The following GPC5 variants were observed in gnomAD, a reference collection of about 807,000 sequenced individuals.
GPC5 encodes the protein glypican 5, also known as glypican-5.
GPC5 carries 47 observed loss-of-function variants against 53.9 expected under a neutral mutation model. That is an observed-to-expected ratio of 0.87 (90% confidence interval 0.69 to 1.11). The LOEUF is 1.11. Among genes scored for constraint, GPC5 ranks in the 50% most tolerant of loss-of-function variants. The probability of loss-of-function intolerance (pLI) is 0.00; values close to 1 mark genes in which losing one functional copy is unlikely to be tolerated. For synonymous variants in GPC5, 286 were observed against 263.3 expected, an observed-to-expected ratio of 1.09 and a Z score of -0.84; for missense variants, 748 against 713.1, an observed-to-expected ratio of 1.05 and a Z score of -0.56.
At chr13:92,483,815 G>A (rs112895967) in intron 7 of GPC5, among the ~76,000 whole-genome samples, 1 of 149,624 alleles carries the variant, frequency 6.7e-6, no homozygotes, top group African/African-American at 2.5e-5. Flanking sequence ...TTTATTAAAA[G>A]CGAAGACACA....
intron 7 of GPC5, among the ~76,000 whole-genome samples, chr13:92,729,222 T>C (rs1644179531): frequency 1.3e-5 from 2 of 151,476 alleles, no homozygotes; most frequent in South Asian, 4.1e-4. Context: ...TTCCCTAAGA[T>C]GATGTAAGGG....
chr13:92,674,309 T>C (rs1252486602), intron 7 of GPC5, among the ~76,000 whole-genome samples: 2 of 152,152 alleles, frequency 1.3e-5, no homozygotes, highest in Non-Finnish European at 2.9e-5. Flanking sequence ...ATACTTTGAA[T>C]TTTTCCCTGG....
intron 6 of GPC5, among the ~76,000 whole-genome samples, chr13:91,976,168 G>A (rs1314363194): frequency 6.6e-6 from 1 of 152,152 alleles, no homozygotes; most frequent in Non-Finnish European, 1.5e-5. Flanking sequence ...TATACCTAAT[G>A]TTAAATGACG....
chr13:92,813,512 A>G (rs1327716137), intron 7 of GPC5, among the ~76,000 whole-genome samples: 3 of 152,028 alleles, frequency 2.0e-5, no homozygotes, highest in African/African-American at 7.3e-5. Flanking sequence ...AACTAATTTT[A>G]TGCAAATACA....
chr13:92,387,024 C>T (rs1874758518), intron 7 of GPC5, among the ~76,000 whole-genome samples: 1 of 152,068 alleles, frequency 6.6e-6, no homozygotes, highest in Admixed American at 6.6e-5. Context: ...AGAATTAGAA[C>T]TCACACTCAT....
At chr13:92,533,252 T>G (rs577067523) in intron 7 of GPC5, among the ~76,000 whole-genome samples, 3 of 152,274 alleles carry the variant, frequency 2.0e-5, no homozygotes, top group Non-Finnish European at 2.9e-5. Context: ...TCCACTTTTA[T>G]TTTACTTCAC....
intron 7 of GPC5, among the ~76,000 whole-genome samples, chr13:92,175,016 A>C: frequency 6.6e-6 from 1 of 151,946 alleles, no homozygotes; most frequent in African/African-American, 2.4e-5. Context: ...CGTCCTGCTA[A>C]ATTTTTTTGT....
At chr13:91,787,503 G>A (rs1395730029) in intron 5 of GPC5, among the ~76,000 whole-genome samples, 1 of 152,042 alleles carries the variant, frequency 6.6e-6, no homozygotes, top group African/African-American at 2.4e-5. Flanking sequence ...TGCATTCCTA[G>A]GATAAACACC....
chr13:91,877,548 T>C (rs2039217551), intron 5 of GPC5, among the ~76,000 whole-genome samples: 1 of 152,156 alleles, frequency 6.6e-6, no homozygotes, highest in African/African-American at 2.4e-5. Flanking sequence ...GGCCAATTTC[T>C]CCCATTTGGA....
At chr13:91,712,097 G>C (rs145278025) in intron 3 of GPC5, among the ~76,000 whole-genome samples, 7 of 152,204 alleles carry the variant, frequency 4.6e-5, no homozygotes, top group East Asian at 1.9e-4. Context: ...TCCTAAAAGT[G>C]GTTTATTTCC....
At chr13:92,500,290 G>A (rs540362435) in intron 7 of GPC5, among the ~76,000 whole-genome samples, 2 of 152,118 alleles carry the variant, frequency 1.3e-5, no homozygotes, top group Non-Finnish European at 2.9e-5. Context: ...ACCACTTACA[G>A]ACTCCCGGGA....
At chr13:91,725,272 C>G (rs996213740) in intron 3 of GPC5, 1 of 152,134 alleles carries the variant, frequency 6.6e-6, no homozygotes, top group Admixed American at 6.5e-5. Context: ...ACATTTCAGA[C>G]TGATTGCAGG....
chr13:92,219,392 CCT>C (rs1424480169), intron 7 of GPC5, among the ~76,000 whole-genome samples: 2 of 152,150 alleles, frequency 1.3e-5, no homozygotes, highest in African/African-American at 2.4e-5. Flanking sequence ...ATACATATTG[CCT>C]CTCTCCACAT....
intron 5 of GPC5, among the ~76,000 whole-genome samples, chr13:91,866,232 A>G (rs1187327674): frequency 6.6e-6 from 1 of 152,214 alleles, no homozygotes; most frequent in Non-Finnish European, 1.5e-5. Flanking sequence ...AATGTCTCAA[A>G]TAATAATTTG....
At chr13:92,341,630 T>G (rs939718412) in intron 7 of GPC5, among the ~76,000 whole-genome samples, 4 of 152,010 alleles carry the variant, frequency 2.6e-5, no homozygotes, top group African/African-American at 9.7e-5. Flanking sequence ...AAATAAAATT[T>G]TATTAATTAA....
chr13:91,517,463 A>C (rs1428304140), intron 2 of GPC5, among the ~76,000 whole-genome samples: 2 of 152,174 alleles, frequency 1.3e-5, no homozygotes, highest in Non-Finnish European at 1.5e-5. Flanking sequence ...TCCATCTGAG[A>C]CCATCTCAGC....
chr13:92,197,332 T>C (rs1367338441), intron 7 of GPC5, among the ~76,000 whole-genome samples: 1 of 152,208 alleles, frequency 6.6e-6, no homozygotes, highest in African/African-American at 2.4e-5. Flanking sequence ...TCTACATCCG[T>C]CTATATCTAT....
chr13:91,689,911 C>A (rs1220839263), intron 2 of GPC5, among the ~76,000 whole-genome samples: 3 of 152,092 alleles, frequency 2.0e-5, no homozygotes, highest in African/African-American at 7.2e-5. Flanking sequence ...ATGGTAAACA[C>A]CCAGTAACAA....
rs546403948 is a variant in GPC5, at chr13:91,451,759, A to G, written c.325+2837A>G. ...CAGCCTCCCGAGCAGCTGGGATTAC[A>G]GATGTGTGCCACCATGCCCAGCTAA... On this transcript the variant is annotated intron_variant, in intron 2 of 7. Transcript: ENST00000377067. 5.3e-5 allele frequency among the ~76,000 whole-genome samples: 8 copies of G among 152,096 alleles called. 1 individual carries two copies. The highest frequency in any genetic ancestry group is 4.6e-4 in the Admixed American group (7 of 15,266).
Sources: gnomAD v4.1 joint callset for allele counts (sites outside exome capture counted in the v4.1 genomes callset) on GRCh38, gnomAD v4.1.1 for gene constraint, MANE v1.5 for transcripts, NCBI Gene and HGNC (gene_info 2026-07-23, HGNC 2026-07-21) for gene names.